The following NT5C2 variants were observed in gnomAD, a reference collection of about 807,000 sequenced individuals.
The protein encoded by NT5C2 is cytosolic purine 5'-nucleotidase.
A neutral mutation model predicts 76.1 loss-of-function variants in NT5C2; 58 were observed. The ratio of observed to expected loss-of-function variants is 0.76; its 90% CI spans 0.62 to 0.95. NT5C2 has a LOEUF of 0.95. NT5C2 is among the 40% of genes least tolerant of loss of function. NT5C2 has a pLI of 0.00. For synonymous variants in NT5C2, 229 were observed against 237.4 expected (o/e 0.96, Z 0.32); for missense variants, 478 against 690.3 (o/e 0.69, Z 3.45).
chr10:103,092,134 C>T (rs531459478), intron 15 of NT5C2, among the ~76,000 whole-genome samples: 2 of 152,352 alleles, frequency 1.3e-5, no homozygotes, highest in South Asian at 2.1e-4. Flanking sequence ...CCAGCATCTA[C>T]AGCATGCTGC....
intron 4 of NT5C2, among the ~76,000 whole-genome samples, chr10:103,122,618 C>G (rs1002074328): frequency 1.3e-5 from 2 of 152,186 alleles, no homozygotes; most frequent in African/African-American, 4.8e-5. Flanking sequence ...ACAGCAGAAG[C>G]AGGAAGGTCA....
intron 3 of NT5C2, among the ~76,000 whole-genome samples, chr10:103,159,791 C>T (rs933672670): frequency 4.6e-5 from 7 of 152,132 alleles, no homozygotes; most frequent in Non-Finnish European, 1.0e-4. Context: ...ATCCCATACT[C>T]ATGGATCAAA....
intron 3 of NT5C2, among the ~76,000 whole-genome samples, 168 bp from the exon 4 acceptor site, chr10:103,139,647 ACTTAT>A (rs534597734): frequency 2.6e-5 from 4 of 152,208 alleles, no homozygotes; most frequent in African/African-American, 4.8e-5. Context: ...TGTTTGATAT[ACTTAT>A]CTTGATACAC....
chr10:103,092,076 A>G (rs1379680550), intron 15 of NT5C2, among the ~76,000 whole-genome samples: 1 of 152,210 alleles, frequency 6.6e-6, no homozygotes, highest in East Asian at 1.9e-4. Context: ...TGTGAATGAA[A>G]GGCTAGCCAG....
At chr10:103,166,370 A>G (rs1054401031) in intron 3 of NT5C2, among the ~76,000 whole-genome samples, 3 of 152,144 alleles carry the variant, frequency 2.0e-5, no homozygotes, top group African/African-American at 7.2e-5. Context: ...ATGTTACAGA[A>G]ATGGAACCAT....
chr10:103,128,070 TCTCCCTCTCCCTCTC>T (rs2077029828), intron 4 of NT5C2, among the ~76,000 whole-genome samples: 1 of 148,378 alleles, frequency 6.7e-6, no homozygotes, highest in Non-Finnish European at 1.5e-5. Context: ...TCCCTCTCCC[TCTCCCTCTCCCTCTC>T]CCTCTGTCTC....
At chr10:103,130,011 G>A in intron 4 of NT5C2, among the ~76,000 whole-genome samples, 1 of 151,502 alleles carries the variant, frequency 6.6e-6, no homozygotes, top group East Asian at 2.0e-4. Context: ...CTACTGGGAA[G>A]TGAGGAGCCC....
chr10:103,114,663 A>T (rs1370307324), intron 4 of NT5C2, among the ~76,000 whole-genome samples: 1 of 152,230 alleles, frequency 6.6e-6, no homozygotes, highest in Non-Finnish European at 1.5e-5. Context: ...TTGGAAATCT[A>T]GATGGAAATA....
intron 5 of NT5C2, among the ~76,000 whole-genome samples, chr10:103,106,339 CT>C (rs1348834620): frequency 1.3e-5 from 2 of 151,960 alleles, no homozygotes; most frequent in East Asian, 1.9e-4. Flanking sequence ...TAGTAATCTC[CT>C]TTTTTACCTG....
chr10:103,095,300 C>A (rs1239368031), intron 12 of NT5C2, among the ~76,000 whole-genome samples: 3 of 152,156 alleles, frequency 2.0e-5, no homozygotes, highest in African/African-American at 7.2e-5. Flanking sequence ...GGAACCCTGG[C>A]ATTAACCTTT....
intron 3 of NT5C2, among the ~76,000 whole-genome samples, chr10:103,159,277 A>ACACACG (rs1016546264): frequency 4.6e-5 from 7 of 151,752 alleles, no homozygotes; most frequent in African/African-American, 1.7e-4. Flanking sequence ...ACACACACAC[A>ACACACG]CACACACACA....
At chr10:103,110,466 C>CAA (rs1488514248) in intron 4 of NT5C2, among the ~76,000 whole-genome samples, 2 of 152,118 alleles carry the variant, frequency 1.3e-5, no homozygotes, top group Non-Finnish European at 2.9e-5. Context: ...AAAAAGCAAA[C>CAA]AAACAAAAGC....
chr10:103,141,117 T>G (rs1431299726), intron 3 of NT5C2, among the ~76,000 whole-genome samples: 2 of 152,238 alleles, frequency 1.3e-5, no homozygotes, highest in Non-Finnish European at 2.9e-5. Flanking sequence ...TCCTTTGTTT[T>G]CTTTTAGATC....
In NT5C2 at chr10:103,095,916, G is replaced by C. The variant is rs780001952; in HGVS notation, c.813+23C>G. 1.3e-5 allele frequency: 20 copies of C among 1,593,370 alleles called. No homozygotes were observed. The Admixed American group carries it at 1.3e-4, about 11-fold the overall frequency. ...TGCATTCATTGTTATTAAAGCAGTG[G>C]TCTATTGAGTCACATACGGTACCTT... On this transcript the variant is annotated intron_variant, in intron 12 of 18. Transcript: ENST00000404739.
chr10:103,162,513 C>A (rs377215208), intron 3 of NT5C2, among the ~76,000 whole-genome samples: 1 of 152,118 alleles, frequency 6.6e-6, no homozygotes, highest in Non-Finnish European at 1.5e-5. Context: ...GGAGATGCCA[C>A]TATGTATACA....
chr10:103,189,499 G>C (rs928972074), intron 1 of NT5C2, among the ~76,000 whole-genome samples: 1 of 150,902 alleles, frequency 6.6e-6, no homozygotes, highest in African/African-American at 2.4e-5. Context: ...CTAGCTACTC[G>C]GTAGGCTGAG....
chr10:103,153,145 C>T (rs1043968404), intron 3 of NT5C2: 1 of 409,820 alleles, frequency 2.4e-6, no homozygotes, highest in African/African-American at 2.2e-5. Context: ...ACATGAAACA[C>T]TATAAGATTT....
chr10:103,112,170 T>C (rs1371360469), intron 4 of NT5C2, among the ~76,000 whole-genome samples: 1 of 152,220 alleles, frequency 6.6e-6, no homozygotes, highest in Admixed American at 6.5e-5. Flanking sequence ...CGATAGAAAC[T>C]GAATACAGCT....
In NT5C2 at chr10:103,175,889, A is replaced by G. The variant is rs571675605; in HGVS notation, c.-24-907T>C. 1.8e-4 allele frequency: 29 copies of G among 157,364 alleles called. No homozygotes were observed. In the East Asian group the frequency reaches 4.8e-3, roughly 26 times the overall value. The allele number at this position is 157,364 out of a possible 1,614,324, so 9.7% of individuals were successfully genotyped here. Reference sequence around the variant, plus strand: ...GACGGGGGCAGTTCTTCTGCCTCTCAGCCAGAGGAAATGCAGGAGCAAGGT... The same window carrying G: ...GACGGGGGCAGTTCTTCTGCCTCTCGGCCAGAGGAAATGCAGGAGCAAGGT... On this transcript the variant is annotated intron_variant, in intron 2 of 18. Transcript: ENST00000404739.
Sources: allele counts gnomAD v4.1 joint callset (sites outside exome capture counted in the v4.1 genomes callset), GRCh38; gene constraint gnomAD v4.1.1; transcripts MANE v1.5; gene names NCBI Gene and HGNC (gene_info 2026-07-23, HGNC 2026-07-21).